FAM118B: variants seen among roughly 807,000 people sequenced by gnomAD.
FAM118B encodes the protein SIR2 antiphage like 1, also known as protein FAM118B.
FAM118B carries 24 observed loss-of-function variants against 38.5 expected under a neutral mutation model. The ratio of observed to expected loss-of-function variants is 0.62; its 90% confidence interval spans 0.45 to 0.88. The LOEUF (loss-of-function observed/expected upper bound fraction) is 0.88, where lower values mean the gene tolerates loss of function less well. Among genes scored for constraint, FAM118B ranks in the 40% least tolerant of loss-of-function variants. The pLI, the probability that FAM118B is intolerant of heterozygous loss-of-function variation, is 0.00. For missense variants in FAM118B, 334 were observed against 420.0 expected (o/e 0.80, Z 1.79); for synonymous variants, 138 against 156.3 (o/e 0.88, Z 0.87).
At chr11:126,222,081 A>G (rs2135132079) in intron 1 of FAM118B, among the ~76,000 whole-genome samples, 1 of 152,348 alleles carries the variant, frequency 6.6e-6, no homozygotes, top group East Asian at 1.9e-4. Context: ...GTGTCTTAAC[A>G]ACATGAACAC....
At chr11:126,233,793 C>T in intron 2 of FAM118B, 2 of 450,272 alleles carry the variant, frequency 4.4e-6, no homozygotes, top group Non-Finnish European at 4.4e-6. Flanking sequence ...AAGAAAAAGG[C>T]TTTTTTGGGC....
intron 1 of FAM118B, among the ~76,000 whole-genome samples, chr11:126,225,733 A>T (rs1018719503): frequency 5.3e-5 from 8 of 152,272 alleles, no homozygotes; most frequent in African/African-American, 1.9e-4. Context: ...TAATCCCAGC[A>T]CTTTGGGAGG....
chr11:126,215,251 G>T (rs1052310689), intron 1 of FAM118B, among the ~76,000 whole-genome samples: 1 of 152,160 alleles, frequency 6.6e-6, no homozygotes, highest in African/African-American at 2.4e-5. Context: ...CTTTCAGCCC[G>T]AATTAGTGGG....
rs772801921 is a variant in FAM118B at position 126,256,753 on chromosome 11, G to T, written c.883G>T (p.Asp295Tyr). The change falls in exon 7 of 9, where the codon GAC (aspartate) becomes TAC (tyrosine). Residue 295 changes from aspartate (D) to tyrosine (Y), a missense_variant. By Grantham distance (160) the Asp-to-Tyr change is radical (BLOSUM62 -3). Coordinates refer to ENST00000533050, the MANE Select transcript of FAM118B (RefSeq NM_024556.4). This position sits in a 1 kb window ranked among gnomAD's most constrained non-coding sequence, Gnocchi z 6.6. ...EFKKLRENML[D>Y]KGIKVISYGD... is the part of the protein sequence containing the mutation. ...CAAAAAGCTTCGAGAAAACATGCTG[G>T]ACAAGGGGATTAAAGTCATCTCCTA... 2 of 1,614,134 alleles carry T rather than the reference G, an allele frequency of 1.2e-6. No individual in the cohort carries two copies. Among genetic ancestry groups the T allele is most frequent in the South Asian group, 2.2e-5 (2 of 91,078 alleles).
rs1385581512 is a variant in FAM118B, at chr11:126,244,170, T to C, written c.339+3126T>C. On this transcript the variant is annotated intron_variant, in intron 4 of 8. Transcript: ENST00000533050. The surrounding 1 kb of genome is among the most constrained non-coding windows in gnomAD (Gnocchi z 4.5). ...TGGTGAAAGACTGGATTTTTTCCAC[T>C]AAGATCAGCAGCAAGACAAGGCTGT... Among the ~76,000 whole-genome samples, 1 of 152,194 alleles carries C rather than the reference T, an allele frequency of 6.6e-6. No homozygotes were observed. The highest frequency in any genetic ancestry group is 1.5e-5 in the Non-Finnish European group (1 of 68,040).
rs544480250 is a variant in FAM118B at position 126,237,680 on chromosome 11, TAAAAAAAAAAA to T, written c.86+2610_86+2620del. Among the ~76,000 whole-genome samples, 6 of 85,932 alleles carry T rather than the reference TAAAAAAAAAAA, an allele frequency of 7.0e-5. No homozygotes were observed. The East Asian group carries it at 1.4e-3, about 21-fold the overall frequency. 56.4% of individuals were successfully genotyped at this position (85,932 alleles called of 152,430 possible). A position where few individuals can be genotyped will look rare whatever the true frequency, so the allele number is the denominator to read the frequency against. On this transcript the variant is annotated intron_variant, in intron 3 of 8. Transcript: ENST00000533050. ...TAACATAGTGAAACCCTGTCTCTAC[TAAAAAAAAAAA>T]AAAAAAAAAAAAAAAATTAGCGGGG...
Position 126,256,562 on chromosome 11 carries a change from T to C in FAM118B, c.697-5T>C, listed in dbSNP as rs1301065531. The C allele has an allele frequency of 7.4e-6, 12 of 1,612,790 alleles. No homozygotes were observed. Among genetic ancestry groups the C allele is most frequent in the African/African-American group, 1.3e-5 (1 of 74,754 alleles). ...ATGTCAATATGTTGTATCTTTTCCT[T>C]CCAGAGAGAAATTCAGAAACTCTAC... On this transcript the variant is annotated splice_polypyrimidine_tract_variant and splice_region_variant and intron_variant, in intron 6 of 8. Coordinates refer to ENST00000533050, the MANE Select transcript of FAM118B (RefSeq NM_024556.4). The surrounding 1 kb of genome is among the most constrained non-coding windows in gnomAD (Gnocchi z 6.6).
At chr11:126,215,696 CAAA>C (rs56687894) in intron 1 of FAM118B, among the ~76,000 whole-genome samples, 2 of 93,932 alleles carry the variant, frequency 2.1e-5, no homozygotes, top group Non-Finnish European at 4.0e-5. Flanking sequence ...GACTCCGTCT[CAAA>C]AAAAAAAAAA....
At chr11:126,247,579 T>C (rs1241709492) in intron 4 of FAM118B, among the ~76,000 whole-genome samples, 1 of 151,944 alleles carries the variant, frequency 6.6e-6, no homozygotes, top group Non-Finnish European at 1.5e-5. Context: ...AGTACGTATT[T>C]GCCAGCGCGG....
At position 126,235,795 on chromosome 11, in the gene FAM118B, A is replaced by C. The variant is rs184961416; in HGVS notation, c.86+708A>C. On this transcript the variant is annotated intron_variant, in intron 3 of 8. Coordinates refer to ENST00000533050, the MANE Select transcript of FAM118B (RefSeq NM_024556.4). The stretch of plus-strand genomic sequence containing the variant: ...CGGCCTCCCAAAGTGCTGGGATTAT[A>C]GGCGTGAGCCACTGTGCCCGGCCTG... Among the ~76,000 whole-genome samples the C allele has an allele frequency of 4.3e-3, 650 of 152,324 alleles. 6 individuals carry two copies. Among genetic ancestry groups the C allele is most frequent in the African/African-American group, 0.015 (616 of 41,566 alleles).
rs1950525875 is a variant in FAM118B, at chr11:126,252,968, G to C, written c.568-1337G>C. ...GAGAATCATTTGAACCCAGGAGGCA[G>C]AGGTTTCAGTGAGCCAAGATTGCGC... On this transcript the variant is annotated intron_variant, in intron 5 of 8. Transcript: ENST00000533050. The surrounding 1 kb of genome is among the most constrained non-coding windows in gnomAD (Gnocchi z 4.7). 6.6e-6 allele frequency among the ~76,000 whole-genome samples: 1 copy of C among 152,200 alleles called. No individual in the cohort carries two copies. The highest frequency in any genetic ancestry group is 1.5e-5 in the Non-Finnish European group (1 of 68,032).
Position 126,250,527 on chromosome 11 carries a change from A to G in FAM118B, c.361A>G (p.Thr121Ala), listed in dbSNP as rs1231094128. 6.2e-7 allele frequency: 1 copy of G among 1,613,836 alleles called. No homozygotes were observed. Among genetic ancestry groups the G allele is most frequent in the Non-Finnish European group, 8.5e-7 (1 of 1,179,832 alleles). ...TCAGCGTACCAGTAATGTTCGATCC[A>G]CATTTTTCAAGGACTGTTTATATGA... is the stretch of plus-strand genomic sequence containing the variant. ...LSPRTSNVRS[T>A]FFKDCLYEVF... Residue 121 changes from threonine to alanine, a missense_variant, in exon 5 of 9, where the codon ACA becomes GCA. Thr to Ala is a moderately conservative substitution (Grantham distance 58). Transcript: ENST00000533050. The surrounding 1 kb of genome is among the most constrained non-coding windows in gnomAD (Gnocchi z 5.1).
intron 5 of FAM118B, 149 bp from the exon 6 acceptor site, chr11:126,254,156 C>T (rs761041998): frequency 3.0e-4 from 266 of 886,344 alleles, no homozygotes; most frequent in Non-Finnish European, 4.1e-4. Flanking sequence ...AAACTTAGAC[C>T]ACATCAGGTT....
chr11:126,256,755 CAAGGGGATTA>C lies in FAM118B; in HGVS notation c.889_898del (p.Gly297SerfsTer18). 6.2e-7 allele frequency: 1 copy of C among 1,614,064 alleles called. No homozygotes were observed. On this transcript the variant is annotated frameshift_variant, in exon 7 of 9. Transcript: ENST00000533050. LOFTEE classifies it high-confidence loss of function. This position sits in a 1 kb window ranked among gnomAD's most constrained non-coding sequence, Gnocchi z 6.6. ...AAAAGCTTCGAGAAAACATGCTGGACAAGGGGATTAAAGTCATCTCCTATGGAGATGACTA... is the reference window on the plus strand; with the variant it reads ...AAAAGCTTCGAGAAAACATGCTGGACAAGTCATCTCCTATGGAGATGACTA...
chr11:126,214,061 T>G (rs975303817), intron 1 of FAM118B, among the ~76,000 whole-genome samples: 1 of 152,088 alleles, frequency 6.6e-6, no homozygotes, highest in African/African-American at 2.4e-5. Context: ...TATAAAGAAT[T>G]TATGTGGCCG....
At chr11:126,258,675 A>G (rs1342249383) in intron 7 of FAM118B, among the ~76,000 whole-genome samples, 1 of 152,198 alleles carries the variant, frequency 6.6e-6, no homozygotes, top group Non-Finnish European at 1.5e-5. Flanking sequence ...CCCACACTTG[A>G]GACTTTGAGA....
At chr11:126,223,245 A>G (rs952347918) in intron 1 of FAM118B, among the ~76,000 whole-genome samples, 7 of 152,178 alleles carry the variant, frequency 4.6e-5, no homozygotes, top group African/African-American at 1.7e-4. Context: ...GTATGTTATT[A>G]AACACAGTGA....
chr11:126,242,147 T>C (rs148463901), intron 4 of FAM118B, among the ~76,000 whole-genome samples: 30 of 152,206 alleles, frequency 2.0e-4, no homozygotes, highest in Middle Eastern at 3.4e-3. Flanking sequence ...GTAAAACTCT[T>C]AGAAGAAAAT....
At chr11:126,247,432 T>C (rs546926384) in intron 4 of FAM118B, among the ~76,000 whole-genome samples, 1 of 152,292 alleles carries the variant, frequency 6.6e-6, no homozygotes, top group Non-Finnish European at 1.5e-5. Context: ...TGACCTGGAT[T>C]TTTTTCCCCC....
Sources: allele counts gnomAD v4.1 joint callset (sites outside exome capture counted in the v4.1 genomes callset), GRCh38; gene constraint gnomAD v4.1.1; non-coding constraint Gnocchi (gnomAD v3.1); transcripts MANE v1.5; gene names NCBI Gene and HGNC (gene_info 2026-07-23, HGNC 2026-07-21).